ATXN7L1: variants seen among roughly 807,000 people sequenced by gnomAD.
ATXN7L1 encodes the protein ataxin 7 like 1, also known as ataxin-7-like protein 1.
A neutral mutation model predicts 70.8 loss-of-function variants in ATXN7L1; 15 were observed. The observed-to-expected ratio is 0.21, with a 90% CI of 0.14 to 0.33. ATXN7L1 has a LOEUF of 0.33. Ranked by LOEUF, ATXN7L1 falls within the 10% of genes least tolerant of loss-of-function variation. The pLI is 1.00. For synonymous variants in ATXN7L1, 440 were observed against 445.1 expected (o/e 0.99, Z 0.14); for missense variants, 975 against 1,097.1 (o/e 0.89, Z 1.57).
intron 3 of ATXN7L1, among the ~76,000 whole-genome samples, chr7:105,677,562 T>C (rs1804875473): frequency 6.6e-6 from 1 of 152,254 alleles, no homozygotes; most frequent in Admixed American, 6.5e-5. Context: ...GCACTCACTC[T>C]ATTCACTGTG....
chr7:105,652,093 G>A (rs1209592441), intron 4 of ATXN7L1, among the ~76,000 whole-genome samples: 1 of 152,136 alleles, frequency 6.6e-6, no homozygotes, highest in Non-Finnish European at 1.5e-5. Context: ...CCCTAGGACT[G>A]TGAACAAGTC....
intron 4 of ATXN7L1, among the ~76,000 whole-genome samples, chr7:105,660,921 C>T (rs866940250): frequency 1.3e-5 from 2 of 152,164 alleles, no homozygotes; most frequent in Non-Finnish European, 2.9e-5. Flanking sequence ...GAGTCCTCAG[C>T]CTGGGTTAGG....
intron 2 of ATXN7L1, among the ~76,000 whole-genome samples, chr7:105,872,292 A>G (rs1818386797): frequency 6.6e-6 from 1 of 152,092 alleles, no homozygotes; most frequent in Non-Finnish European, 1.5e-5. Flanking sequence ...ATGCCTGGCC[A>G]AACCAAAATA....
chr7:105,688,725 A>T (rs1360237474), intron 3 of ATXN7L1, among the ~76,000 whole-genome samples: 1 of 152,172 alleles, frequency 6.6e-6, no homozygotes, highest in Non-Finnish European at 1.5e-5. Flanking sequence ...AGCAAGGTCA[A>T]GGTGGGACAA....
chr7:105,651,481 C>T (rs1241354296), intron 4 of ATXN7L1, among the ~76,000 whole-genome samples: 1 of 152,140 alleles, frequency 6.6e-6, no homozygotes, highest in Admixed American at 6.5e-5. Context: ...TTCCTTAGTC[C>T]CTTCTGGTCC....
intron 2 of ATXN7L1, among the ~76,000 whole-genome samples, chr7:105,869,216 A>G: frequency 6.6e-6 from 1 of 152,128 alleles, no homozygotes; most frequent in South Asian, 2.1e-4. Context: ...CAGATAAGAG[A>G]GATGATAATG....
rs1792804650 is a variant in ATXN7L1 at position 105,607,388 on chromosome 7, CAG to C, written c.*462_*463del. 1 of 165,892 alleles carries C rather than the reference CAG, an allele frequency of 6.0e-6. No individual in the cohort carries two copies. The highest frequency in any genetic ancestry group is 5.8e-5 in the Admixed American group (1 of 17,174). 10.3% of individuals were successfully genotyped at this position (165,892 alleles called of 1,614,324 possible). On this transcript the variant is annotated 3_prime_UTR_variant, in exon 12 of 12. Transcript: ENST00000419735. The stretch of plus-strand genomic sequence containing the variant: ...GGTCCTTTGAAGACCAGTGAGGACC[CAG>C]AGAGTGGTAGACGTAGGGATGGAAG...
chr7:105,744,882 C>T (rs1041418217), intron 3 of ATXN7L1, among the ~76,000 whole-genome samples: 27 of 151,888 alleles, frequency 1.8e-4, no homozygotes, highest in Middle Eastern at 3.4e-3. Flanking sequence ...GGATTACAGG[C>T]GCCCACCACC....
intron 3 of ATXN7L1, among the ~76,000 whole-genome samples, chr7:105,678,692 A>G (rs914010947): frequency 1.3e-5 from 2 of 152,202 alleles, no homozygotes; most frequent in African/African-American, 4.8e-5. Flanking sequence ...CACGCCGGGA[A>G]GGTTCATTGC....
chr7:105,623,482 T>C (rs2115806237), intron 8 of ATXN7L1, among the ~76,000 whole-genome samples: 1 of 152,318 alleles, frequency 6.6e-6, no homozygotes, highest in African/African-American at 2.4e-5. Flanking sequence ...TGTGCACTCA[T>C]TCAAGGAAAT....
chr7:105,665,342 C>T (rs1157738752), intron 3 of ATXN7L1, 54 bp from the exon 4 acceptor site: 24 of 1,391,464 alleles, frequency 1.7e-5, no homozygotes, highest in Non-Finnish European at 2.3e-5. Flanking sequence ...AGGTGAGGCT[C>T]CCACACACTC....
chr7:105,823,510 T>C (rs1042642142), intron 2 of ATXN7L1, among the ~76,000 whole-genome samples: 1 of 152,152 alleles, frequency 6.6e-6, no homozygotes, highest in Non-Finnish European at 1.5e-5. Context: ...AAACACTATA[T>C]TGGAAGTTTT....
At chr7:105,734,516 A>G (rs1338493375) in intron 3 of ATXN7L1, among the ~76,000 whole-genome samples, 1 of 152,186 alleles carries the variant, frequency 6.6e-6, no homozygotes, top group South Asian at 2.1e-4. Flanking sequence ...TAGACCATCA[A>G]TAATCTTTGG....
chr7:105,829,163 T>A (rs1375625522), intron 2 of ATXN7L1, among the ~76,000 whole-genome samples: 1 of 152,216 alleles, frequency 6.6e-6, no homozygotes. Context: ...GGCTCACGCC[T>A]GTAATCCCAG....
chr7:105,793,954 T>G (rs961244773), intron 2 of ATXN7L1, among the ~76,000 whole-genome samples: 1 of 151,880 alleles, frequency 6.6e-6, no homozygotes, highest in African/African-American at 2.4e-5. Flanking sequence ...CATCTATCCA[T>G]CTTTCCATCC....
intron 4 of ATXN7L1, among the ~76,000 whole-genome samples, chr7:105,660,360 T>C (rs1801393763): frequency 6.6e-6 from 1 of 152,022 alleles, no homozygotes; most frequent in Admixed American, 6.6e-5. Flanking sequence ...TGGGCCTCAC[T>C]CCCCTACCCA....
chr7:105,755,034 C>T (rs1799644575), intron 3 of ATXN7L1, among the ~76,000 whole-genome samples: 1 of 143,984 alleles, frequency 6.9e-6, no homozygotes, highest in Non-Finnish European at 1.5e-5. Context: ...AAGTTTAGGC[C>T]AGGTCCAACA....
chr7:105,794,005 C>T (rs971122546), intron 2 of ATXN7L1, among the ~76,000 whole-genome samples: 5 of 149,850 alleles, frequency 3.3e-5, no homozygotes, highest in Admixed American at 2.7e-4. Context: ...TCCATCCACC[C>T]ATCCATCCAT....
intron 3 of ATXN7L1, among the ~76,000 whole-genome samples, chr7:105,762,207 C>T (rs549127078): frequency 2.0e-5 from 3 of 152,318 alleles, no homozygotes; most frequent in South Asian, 4.1e-4. Context: ...ACCTGCTTAA[C>T]ACTCCCTCCC....
Sources: gnomAD v4.1 joint callset for allele counts (sites outside exome capture counted in the v4.1 genomes callset) on GRCh38, gnomAD v4.1.1 for gene constraint, MANE v1.5 for transcripts, NCBI Gene and HGNC (gene_info 2026-07-23, HGNC 2026-07-21) for gene names.